The following PTPN14 variants were observed in gnomAD, a reference collection of about 807,000 sequenced individuals.
PTPN14 encodes tyrosine-protein phosphatase non-receptor type 14.
In PTPN14, 53 loss-of-function variants were observed where a neutral mutation model predicts 126.8. The observed-to-expected ratio is 0.42, with a 90% CI of 0.34 to 0.53. The LOEUF (loss-of-function observed/expected upper bound fraction) is 0.53, where lower values mean the gene tolerates loss of function less well. Among genes scored for constraint, PTPN14 ranks in the 20% least tolerant of loss-of-function variants. The pLI is 0.08. For synonymous variants in PTPN14, 630 were observed against 599.3 expected (o/e 1.05, Z -0.75); for missense variants, 1,257 against 1,552.9 (o/e 0.81, Z 3.20).
chr1:214,386,595 G>A (rs1658616145), intron 12 of PTPN14, among the ~76,000 whole-genome samples: 1 of 152,190 alleles, frequency 6.6e-6, no homozygotes, highest in Non-Finnish European at 1.5e-5. Flanking sequence ...CTTAGGAAAG[G>A]GAGGAGAAAA....
At chr1:214,486,899 G>A (rs1571615436) in intron 1 of PTPN14, among the ~76,000 whole-genome samples, 2 of 90,484 alleles carry the variant, frequency 2.2e-5, no homozygotes, top group African/African-American at 4.9e-5. Context: ...GTACATCTCC[G>A]TAAATCTGGA....
chr1:214,434,566 T>C (rs562201446), intron 3 of PTPN14, among the ~76,000 whole-genome samples: 1 of 151,920 alleles, frequency 6.6e-6, no homozygotes, highest in East Asian at 1.9e-4. Context: ...AAATAGTAAT[T>C]AGGAAGTATA....
At position 214,497,493 on chromosome 1, in the gene PTPN14, T is replaced by C. The variant is rs544815032; in HGVS notation, c.-154-32536A>G. ...ATCAAAATTTAAGTGTGTATAGCAT[T>C]TAGCCCAGTCATTCCACTTTTAATC... On this transcript the variant is annotated intron_variant, in intron 1 of 18. Coordinates refer to ENST00000366956, the MANE Select transcript of PTPN14 (RefSeq NM_005401.5). Among the ~76,000 whole-genome samples the C allele has an allele frequency of 6.6e-5, 10 of 152,328 alleles. 1 individual carries two copies. The East Asian group carries it at 1.7e-3, about 26-fold the overall frequency.
intron 1 of PTPN14, among the ~76,000 whole-genome samples, chr1:214,489,410 C>A (rs1175262205): frequency 6.6e-6 from 1 of 152,168 alleles, no homozygotes; most frequent in East Asian, 1.9e-4. Context: ...AGAGCAGGAA[C>A]CATGGAACCA....
chr1:214,532,927 G>A lies in PTPN14; in HGVS notation c.-155+18256C>T, dbSNP rs955687688. 3.2e-5 allele frequency: 27 copies of A among 832,232 alleles called. No homozygotes were observed. In the African/African-American group the frequency reaches 3.5e-4, roughly 11 times the overall value. The allele number at this position is 832,232 out of a possible 1,614,324, so 51.6% of individuals were successfully genotyped here. ...TCAGGACCTCGCCACGATCATGGCA[G>A]ACATCTGGGCCCAATATGACAAGCT... On this transcript the variant is annotated intron_variant, in intron 1 of 18. Transcript: ENST00000366956.
intron 3 of PTPN14, among the ~76,000 whole-genome samples, chr1:214,435,851 T>C (rs1659902037): frequency 6.6e-6 from 1 of 152,178 alleles, no homozygotes; most frequent in Non-Finnish European, 1.5e-5. Flanking sequence ...CTCAAAGAAC[T>C]TAAGGCAGAA....
chr1:214,501,831 C>T (rs976550963), intron 1 of PTPN14, among the ~76,000 whole-genome samples: 25 of 152,056 alleles, frequency 1.6e-4, no homozygotes, highest in Non-Finnish European at 3.4e-4. Context: ...AGGCCAAGGC[C>T]GGCGGATCAC....
rs1158390281 is a variant in PTPN14 at position 214,532,703 on chromosome 1, C to T, written c.-155+18480G>A. 1.9e-5 allele frequency: 15 copies of T among 795,592 alleles called. 1 individual carries two copies. Among genetic ancestry groups the T allele is most frequent in the East Asian group, 4.9e-5 (2 of 41,090 alleles). 49.3% of individuals were successfully genotyped at this position (795,592 alleles called of 1,614,324 possible). On this transcript the variant is annotated intron_variant, in intron 1 of 18. Transcript: ENST00000366956. ...GTCAAGTATGAGACAGACTCTCAGG[C>T]GCCAGTCTGTGGAGAGCAGCATTAC...
At chr1:214,476,483 C>T (rs2102669504) in intron 1 of PTPN14, among the ~76,000 whole-genome samples, 1 of 152,248 alleles carries the variant, frequency 6.6e-6, no homozygotes, top group Middle Eastern at 3.4e-3. Context: ...CCACACCTTC[C>T]TTTCCCCCGT....
At chr1:214,487,081 CT>C (rs978280756) in intron 1 of PTPN14, among the ~76,000 whole-genome samples, 1 of 152,082 alleles carries the variant, frequency 6.6e-6, no homozygotes, top group African/African-American at 2.4e-5. Flanking sequence ...CAGAAATGAA[CT>C]GCATTGCATC....
chr1:214,367,448 T>C (rs1558071128), intron 17 of PTPN14, among the ~76,000 whole-genome samples: 1 of 152,268 alleles, frequency 6.6e-6, no homozygotes, highest in Non-Finnish European at 1.5e-5. Flanking sequence ...GGAATATTTA[T>C]TGGAACTTGT....
chr1:214,383,631 C>A lies in PTPN14; in HGVS notation c.2224G>T (p.Ala742Ser), dbSNP rs1213994624. 1.9e-6 allele frequency: 3 copies of A among 1,613,260 alleles called. No individual in the cohort carries two copies. The highest frequency in any genetic ancestry group is 2.5e-6 in the Non-Finnish European group (3 of 1,179,950). The stretch of plus-strand genomic sequence containing the variant: ...GGCGGGGGCTTGTTGGGGATGCGGG[C>A]CAGGGCCGCCTGCAGCTGGGCACTG... ...EYSAQLQAAL[A>S]RIPNKPPPEY... is the part of the protein sequence containing the mutation. The change falls in exon 13 of 19, where the codon GCC (alanine) becomes TCC (serine). Residue 742 changes from alanine (A) to serine (S), a missense_variant. Transcript: ENST00000366956. The surrounding 1 kb of genome is among the most constrained non-coding windows in gnomAD (Gnocchi z 4.4).
chr1:214,470,176 C>T (rs1461840954), intron 1 of PTPN14, among the ~76,000 whole-genome samples: 1 of 152,054 alleles, frequency 6.6e-6, no homozygotes, highest in East Asian at 1.9e-4. Flanking sequence ...GTAGTCTCAG[C>T]TACTTGGGAG....
intron 7 of PTPN14, among the ~76,000 whole-genome samples, chr1:214,399,861 T>TAATAGACACTTCTGATATCTGTAATAG (rs1658975695): frequency 6.6e-6 from 1 of 152,206 alleles, no homozygotes; most frequent in Non-Finnish European, 1.5e-5. Context: ...TATTAGGTTG[T>TAATAGACACTTCTGATATCTGTAATAG]ACACTTCTGA....
At chr1:214,490,260 T>C (rs1027733252) in intron 1 of PTPN14, among the ~76,000 whole-genome samples, 6 of 152,212 alleles carry the variant, frequency 3.9e-5, no homozygotes, top group Admixed American at 3.3e-4. Flanking sequence ...ACATATAACC[T>C]TGAAATAAAT....
rs927402877 is a variant in PTPN14 at position 214,530,508 on chromosome 1, C to T, written c.-155+20675G>A. 4.5e-4 allele frequency: 68 copies of T among 151,522 alleles called. 4 individuals carry two copies. Among genetic ancestry groups the T allele is most frequent in the Non-Finnish European group, 1.5e-5 (1 of 67,978 alleles). The allele number at this position is 151,522 out of a possible 1,614,324, so 9.4% of individuals were successfully genotyped here. ...AGGGGTGCACCACCATGCCTGGCTA[C>T]TTTTTGTATTTTTTGTAGAGACGGG... is the stretch of plus-strand genomic sequence containing the variant. On this transcript the variant is annotated intron_variant, in intron 1 of 18. Transcript: ENST00000366956.
At chr1:214,457,484 C>T (rs1251379401) in intron 2 of PTPN14, among the ~76,000 whole-genome samples, 2 of 152,076 alleles carry the variant, frequency 1.3e-5, no homozygotes, top group Non-Finnish European at 2.9e-5. Flanking sequence ...ATCTCAGGTG[C>T]CTTTGTTATA....
chr1:214,517,067 C>T lies in PTPN14; in HGVS notation c.-155+34116G>A, dbSNP rs60273049. Among the ~76,000 whole-genome samples the T allele has an allele frequency of 8.5e-3, 1,294 of 152,236 alleles. 19 individuals carry two copies. Among genetic ancestry groups the T allele is most frequent in the African/African-American group, 0.03 (1,240 of 41,536 alleles). ...ACCTTCCAGGCCCAGCTATCTCCTC[C>T]GCTCCTAAGGCTGTCACCTGTCATC... On this transcript the variant is annotated intron_variant, in intron 1 of 18. Transcript: ENST00000366956.
At chr1:214,412,135 G>A (rs897231942) in intron 4 of PTPN14, among the ~76,000 whole-genome samples, 36 of 152,184 alleles carry the variant, frequency 2.4e-4, no homozygotes, top group African/African-American at 8.4e-4. Flanking sequence ...AAACCCATCT[G>A]CATCTTTTCA....
Sources: gnomAD v4.1 joint callset for allele counts (sites outside exome capture counted in the v4.1 genomes callset) on GRCh38, gnomAD v4.1.1 for gene constraint, Gnocchi (gnomAD v3.1) non-coding constraint, MANE v1.5 for transcripts, NCBI Gene and HGNC (gene_info 2026-07-23, HGNC 2026-07-21) for gene names.